RPS27L: variants seen among roughly 807,000 people sequenced by gnomAD.
RPS27L encodes ribosomal protein S27 like.
RPS27L carries 10 observed loss-of-function variants against 12.8 expected under a neutral mutation model. That is an observed-to-expected ratio of 0.78 (90% CI 0.48 to 1.33). The LOEUF is 1.33. Among genes scored for constraint, RPS27L ranks in the 40% most tolerant of loss-of-function variants. The probability of loss-of-function intolerance (pLI) is 0.00; values close to 1 mark genes in which losing one functional copy is unlikely to be tolerated. For missense variants in RPS27L, 81 were observed against 97.4 expected, an observed-to-expected ratio of 0.83 and a Z score of 0.71; for synonymous variants, 26 against 32.3, an observed-to-expected ratio of 0.81 and a Z score of 0.66.
At chr15:63,154,092 AG>A in intron 3 of RPS27L, 32 bp from the exon 4 acceptor site, 1 of 1,564,188 alleles carries the variant, frequency 6.4e-7, no homozygotes, top group South Asian at 1.1e-5. Flanking sequence ...ATATTAAACA[AG>A]TGCATTCTAC....
intron 2 of RPS27L, 107 bp from the exon 3 acceptor site, chr15:63,155,838 A>G (rs1242822274): frequency 1.4e-5 from 8 of 559,038 alleles, no homozygotes; most frequent in Non-Finnish European, 2.0e-5. Context: ...GTGCTATGAA[A>G]CAGCAAGCCA....
intron 1 of RPS27L, chr15:63,156,764 A>C: frequency 1.7e-6 from 1 of 592,472 alleles, no homozygotes; most frequent in East Asian, 2.9e-5. Context: ...TGGTAAGGCA[A>C]ACTTTGTCCT....
rs1401420141 is a variant in RPS27L, at chr15:63,152,402, G to C, written c.*1630C>G. 1 of 151,498 alleles carries C rather than the reference G, an allele frequency of 6.6e-6. No individual in the cohort carries two copies. Among genetic ancestry groups the C allele is most frequent in the African/African-American group, 2.4e-5 (1 of 41,270 alleles). The allele number at this position is 151,498 out of a possible 1,614,324, so 9.4% of individuals were successfully genotyped here. A position where few individuals can be genotyped will look rare whatever the true frequency, so the allele number is the denominator to read the frequency against. On this transcript the variant is annotated 3_prime_UTR_variant, in exon 4 of 4. Coordinates refer to ENST00000330964, the MANE Select transcript of RPS27L (RefSeq NM_015920.4). ...ATTTCTTTTGGCCAAGGAATGGCCTGAAAAAAATTACTGAGATTCTAATGA... is the reference window on the plus strand; with the variant it reads ...ATTTCTTTTGGCCAAGGAATGGCCTCAAAAAAATTACTGAGATTCTAATGA...
chr15:63,157,178 C>G, intron 1 of RPS27L: 1 of 604,244 alleles, frequency 1.7e-6, no homozygotes, highest in Non-Finnish European at 3.0e-6. Flanking sequence ...CCCCTCCCAG[C>G]CACCGCCTCT....
chr15:63,157,452 C>G lies in RPS27L; in HGVS notation c.-47G>C. 1 of 1,612,476 alleles carries G rather than the reference C, an allele frequency of 6.2e-7. No homozygotes were observed. The highest frequency in any genetic ancestry group is 8.5e-7 in the Non-Finnish European group (1 of 1,178,510). ...GCCCTACCAGACCTCCCAGCCCACA[C>G]AGCTAGCAAGCTGCAAGCGATCTGC... On this transcript the variant is annotated 5_prime_UTR_variant, in exon 1 of 4. Coordinates refer to ENST00000330964, the MANE Select transcript of RPS27L (RefSeq NM_015920.4).
chr15:63,154,218 A>G (rs148539402), intron 3 of RPS27L, 158 bp from the exon 4 acceptor site: 2 of 609,390 alleles, frequency 3.3e-6, no homozygotes, highest in African/African-American at 3.7e-5. Context: ...GAAATTTGCT[A>G]TAATACATCT....
chr15:63,154,772 A>T lies in RPS27L; in HGVS notation c.227-712T>A, dbSNP rs571950322. 7 of 152,174 alleles carry T rather than the reference A, an allele frequency of 4.6e-5. No homozygotes were observed. The East Asian group carries it at 1.4e-3, about 29-fold the overall frequency. 9.4% of individuals were successfully genotyped at this position (152,174 alleles called of 1,614,324 possible). A position where few individuals can be genotyped will look rare whatever the true frequency, so the allele number is the denominator to read the frequency against. ...GTATTACTATGGAAACTATATATAT[A>T]ATTTTTTTTTCTTATTGCACTAAAG... On this transcript the variant is annotated intron_variant, in intron 3 of 3. Transcript: ENST00000330964.
chr15:63,154,753 C>T (rs1469164188), intron 3 of RPS27L: 3 of 151,856 alleles, frequency 2.0e-5, no homozygotes, highest in Non-Finnish European at 2.9e-5. Context: ...ACAAGTATTA[C>T]TATGGAAACT....
At chr15:63,157,169 C>A (rs1277616887) in intron 1 of RPS27L, 1 of 595,976 alleles carries the variant, frequency 1.7e-6, no homozygotes, top group East Asian at 2.9e-5. Flanking sequence ...AGAACTGTTC[C>A]CCTCCCAGCC....
chr15:63,155,493 C>A, intron 3 of RPS27L, 128 bp downstream of exon 3: 1 of 595,476 alleles, frequency 1.7e-6, no homozygotes, highest in South Asian at 2.5e-5. Context: ...CCATTCTTTA[C>A]TGAAAGCACA....
At position 63,157,421 on chromosome 15, in the gene RPS27L, A is replaced by C. The variant is rs1237857751; in HGVS notation, c.-16T>G. 6.2e-7 allele frequency: 1 copy of C among 1,614,086 alleles called. No individual in the cohort carries two copies. The highest frequency in any genetic ancestry group is 8.5e-7 in the Non-Finnish European group (1 of 1,179,958). ...TCACAGGCATGTTGATCCTCTTGCA[A>C]GCTCAGCCCTACCAGACCTCCCAGC... On this transcript the variant is annotated 5_prime_UTR_variant, in exon 1 of 4. Coordinates refer to ENST00000330964, the MANE Select transcript of RPS27L (RefSeq NM_015920.4).
In RPS27L at chr15:63,152,810, T is replaced by A. The variant is rs569269289; in HGVS notation, c.*1222A>T. ...GCGCCCAGCCTTCCTTATACAACTA[T>A]ATACACCCCAAACTTGCCATCATTC... On this transcript the variant is annotated 3_prime_UTR_variant, in exon 4 of 4. Transcript: ENST00000330964. 1 of 152,212 alleles carries A rather than the reference T, an allele frequency of 6.6e-6. No homozygotes were observed. Among genetic ancestry groups the A allele is most frequent in the South Asian group, 2.1e-4 (1 of 4,828 alleles). The allele number at this position is 152,212 out of a possible 1,614,324, so 9.4% of individuals were successfully genotyped here.
At chr15:63,156,253 G>A (rs924107569) in intron 2 of RPS27L, among the ~76,000 whole-genome samples, 160 bp downstream of exon 2, 1 of 152,096 alleles carries the variant, frequency 6.6e-6, no homozygotes, top group Non-Finnish European at 1.5e-5. Flanking sequence ...TTTCTACAAT[G>A]GTTTCAGTAC....
intron 1 of RPS27L, chr15:63,157,056 G>A (rs2037337019): frequency 2.5e-6 from 1 of 398,626 alleles, no homozygotes; most frequent in Admixed American, 4.4e-5. Flanking sequence ...CCGAAAGAAG[G>A]CAGAGGGGGC....
intron 3 of RPS27L, 73 bp from the exon 4 acceptor site, chr15:63,154,133 C>G: frequency 8.1e-7 from 1 of 1,230,574 alleles, no homozygotes; most frequent in Admixed American, 1.9e-5. Context: ...ACAAAAAGTA[C>G]TTTTAAGTAA....
Position 63,156,433 on chromosome 15 carries a change from A to G in RPS27L, c.95T>C (p.Phe32Ser). 1.3e-6 allele frequency: 2 copies of G among 1,573,804 alleles called. No homozygotes were observed. Among genetic ancestry groups the G allele is most frequent in the South Asian group, 1.2e-5 (1 of 85,354 alleles). ...TTTACCTGGACATTTTACATCCATA[A>G]AGTAAGAATTTGGACTTTGTACTAG... is the stretch of plus-strand genomic sequence containing the variant. ...KRLVQSPNSY[F>S]MDVKCPGCYK... is the part of the protein sequence containing the mutation. Residue 32 changes from phenylalanine (F) to serine (S), a missense_variant, in exon 2 of 4, where the codon TTT becomes TCT. Coordinates refer to ENST00000330964, the MANE Select transcript of RPS27L (RefSeq NM_015920.4).
At chr15:63,157,262 G>T (rs1473494903) in intron 1 of RPS27L, 138 bp downstream of exon 1, 2 of 969,758 alleles carry the variant, frequency 2.1e-6, no homozygotes, top group Non-Finnish European at 3.3e-6. Context: ...CCCGCCACGC[G>T]CGAAGACGCT....
chr15:63,149,426 G>C lies in RPS27L; in HGVS notation c.*4606C>G, dbSNP rs1016064835. ...AAAATACTTTAAAAAAATTAGCCCG[G>C]CGTGGTGGCACACGCCTGTAGTCTC... On this transcript the variant is annotated 3_prime_UTR_variant, in exon 4 of 4. Coordinates refer to ENST00000330964, the MANE Select transcript of RPS27L (RefSeq NM_015920.4). The C allele has an allele frequency of 6.6e-6, 1 of 151,952 alleles. No individual in the cohort carries two copies. The highest frequency in any genetic ancestry group is 6.6e-5 in the Admixed American group (1 of 15,236). The allele number at this position is 151,952 out of a possible 1,614,324, so 9.4% of individuals were successfully genotyped here.
In RPS27L at chr15:63,150,536, CAGAA is replaced by C. The variant is rs2037293744; in HGVS notation, c.*3492_*3495del. On this transcript the variant is annotated 3_prime_UTR_variant, in exon 4 of 4. Coordinates refer to ENST00000330964, the MANE Select transcript of RPS27L (RefSeq NM_015920.4). ...GAATCATATCTCCAGAAAAATAAAA[CAGAA>C]AGGAATTAGAGCTTTATCAGATGAC... The C allele has an allele frequency of 6.6e-6, 1 of 152,176 alleles. No homozygotes were observed. Among genetic ancestry groups the C allele is most frequent in the South Asian group, 2.1e-4 (1 of 4,834 alleles). The allele number at this position is 152,176 out of a possible 1,614,324, so 9.4% of individuals were successfully genotyped here.
Sources: allele counts gnomAD v4.1 joint callset (sites outside exome capture counted in the v4.1 genomes callset), GRCh38; gene constraint gnomAD v4.1.1; transcripts MANE v1.5; gene names NCBI Gene and HGNC (gene_info 2026-07-23, HGNC 2026-07-21).